GALNT18: variants seen among roughly 807,000 people sequenced by gnomAD.
The protein encoded by GALNT18 is polypeptide N-acetylgalactosaminyltransferase 18.
GALNT18 carries 44 observed loss-of-function variants against 69.5 expected under a neutral mutation model. The ratio of observed to expected loss-of-function variants is 0.63; its 90% confidence interval spans 0.50 to 0.81. The LOEUF (loss-of-function observed/expected upper bound fraction) is 0.81. GALNT18 is among the 40% of genes least tolerant of loss of function. The pLI is 0.00. For synonymous variants in GALNT18, 364 were observed against 318.2 expected (o/e 1.14, Z -1.53); for missense variants, 715 against 810.0 (o/e 0.88, Z 1.42).
Position 11,454,908 on chromosome 11 carries a change from G to A in GALNT18, c.236-5972C>T, listed in dbSNP as rs1246079582. Among the ~76,000 whole-genome samples, 2 of 152,184 alleles carry A rather than the reference G, an allele frequency of 1.3e-5. No homozygotes were observed. The highest frequency in any genetic ancestry group is 2.9e-5 in the Non-Finnish European group (2 of 68,036). On this transcript the variant is annotated intron_variant, in intron 1 of 10. Coordinates refer to ENST00000227756, the MANE Select transcript of GALNT18 (RefSeq NM_198516.3). The surrounding 1 kb of genome is among the most constrained non-coding windows in gnomAD (Gnocchi z 4.2). ...AATCACTCCACCCTTGAAGAGAAAG[G>A]TACAGTTGATGGGTCTGTGCAAAGC...
In GALNT18 at chr11:11,421,622, AGAGAAG is replaced by A. The variant is rs1167574962; in HGVS notation, c.595+10993_595+10998del. Among the ~76,000 whole-genome samples, 3 of 152,156 alleles carry A rather than the reference AGAGAAG, an allele frequency of 2.0e-5. No individual in the cohort carries two copies. In the East Asian group the frequency reaches 5.8e-4, roughly 29 times the overall value. Reference sequence around the variant, plus strand: ...GGCAGGCCAAACGCAGGACCAATGCAGAGAAGGTTGGGGAAAGCTGGGGTTGCTGGC... The same window carrying A: ...GGCAGGCCAAACGCAGGACCAATGCAGTTGGGGAAAGCTGGGGTTGCTGGC... On this transcript the variant is annotated intron_variant, in intron 3 of 10. Coordinates refer to ENST00000227756, the MANE Select transcript of GALNT18 (RefSeq NM_198516.3). This position sits in a 1 kb window ranked among gnomAD's most constrained non-coding sequence, Gnocchi z 5.6.
intron 3 of GALNT18, among the ~76,000 whole-genome samples, chr11:11,423,426 C>T (rs141246309): frequency 6.6e-5 from 10 of 152,334 alleles, no homozygotes; most frequent in Non-Finnish European, 7.3e-5. Context: ...AAGCTGCCTC[C>T]CTCTCACAAG....
At chr11:11,467,740 G>A (rs1320089294) in intron 1 of GALNT18, among the ~76,000 whole-genome samples, 1 of 152,232 alleles carries the variant, frequency 6.6e-6, no homozygotes, top group Non-Finnish European at 1.5e-5. Flanking sequence ...CCCTGGTTGA[G>A]TCAAAATCTC....
At chr11:11,419,806 C>A (rs1326907846) in intron 3 of GALNT18, among the ~76,000 whole-genome samples, 2 of 152,036 alleles carry the variant, frequency 1.3e-5, no homozygotes, top group African/African-American at 4.8e-5. Flanking sequence ...ATGCCATAAG[C>A]TCTTGGGACA....
intron 8 of GALNT18, among the ~76,000 whole-genome samples, chr11:11,328,137 T>C (rs1019600582): frequency 2.0e-5 from 3 of 152,132 alleles, no homozygotes. Context: ...ATCAAGGATA[T>C]GATGATGCAC....
chr11:11,452,502 G>A (rs910162019), intron 1 of GALNT18, among the ~76,000 whole-genome samples: 9 of 152,260 alleles, frequency 5.9e-5, no homozygotes. Context: ...ACCTTGCCAA[G>A]GTCCCCAGCT....
chr11:11,466,880 C>T (rs2133847640), intron 1 of GALNT18, among the ~76,000 whole-genome samples: 1 of 152,222 alleles, frequency 6.6e-6, no homozygotes, highest in South Asian at 2.1e-4. Flanking sequence ...TTCCAAAAGG[C>T]CTGGCAATAG....
rs1001980784 is a variant in GALNT18 at position 11,314,174 on chromosome 11, C to T, written c.1512+12912G>A. On this transcript the variant is annotated intron_variant, in intron 9 of 10. Coordinates refer to ENST00000227756, the MANE Select transcript of GALNT18 (RefSeq NM_198516.3). This position sits in a 1 kb window ranked among gnomAD's most constrained non-coding sequence, Gnocchi z 5.2. ...CTGGGAAGCAAGACTGTCCAAAGAA[C>T]GGTGGGTGGAGGGCAAGAGACTCAG... Among the ~76,000 whole-genome samples, 7 of 152,036 alleles carry T rather than the reference C, an allele frequency of 4.6e-5. No individual in the cohort carries two copies. The highest frequency in any genetic ancestry group is 2.1e-4 in the South Asian group (1 of 4,822).
chr11:11,611,320 T>G (rs531695273), intron 1 of GALNT18, among the ~76,000 whole-genome samples: 1 of 152,188 alleles, frequency 6.6e-6, no homozygotes, highest in South Asian at 2.1e-4. Context: ...GCTCAGACAG[T>G]TGAAAACCAG....
intron 3 of GALNT18, among the ~76,000 whole-genome samples, chr11:11,397,896 A>G (rs1854372174): frequency 6.6e-6 from 1 of 152,254 alleles, no homozygotes; most frequent in Admixed American, 6.5e-5. Context: ...GCTGGGGCCA[A>G]TGGCATACTG....
rs1859105547 is a variant in GALNT18 at position 11,582,293 on chromosome 11, A to T, written c.235+39066T>A. Reference sequence around the variant, plus strand: ...TCAGAGAGTGGAGGGAGAAAAGGGCAGGGAGCTGGGCATGGCCAGGAGGCA... The same window carrying T: ...TCAGAGAGTGGAGGGAGAAAAGGGCTGGGAGCTGGGCATGGCCAGGAGGCA... On this transcript the variant is annotated intron_variant, in intron 1 of 10. Coordinates refer to ENST00000227756, the MANE Select transcript of GALNT18 (RefSeq NM_198516.3). The surrounding 1 kb of genome is among the most constrained non-coding windows in gnomAD (Gnocchi z 5.0). Among the ~76,000 whole-genome samples, 1 of 152,208 alleles carries T rather than the reference A, an allele frequency of 6.6e-6. No individual in the cohort carries two copies. The highest frequency in any genetic ancestry group is 1.5e-5 in the Non-Finnish European group (1 of 68,034).
intron 10 of GALNT18, among the ~76,000 whole-genome samples, chr11:11,279,156 ACT>A (rs1046430531): frequency 1.3e-5 from 2 of 151,438 alleles, no homozygotes; most frequent in African/African-American, 4.9e-5. Flanking sequence ...TCCTCTCACC[ACT>A]CTCTCTCCTC....
intron 1 of GALNT18, among the ~76,000 whole-genome samples, chr11:11,479,006 T>C (rs77992018): frequency 0.033 from 5,077 of 152,300 alleles, 188 homozygotes; most frequent in African/African-American, 0.098. Context: ...TTCCACCTTC[T>C]GCCAATGGCC....
chr11:11,616,483 G>A lies in GALNT18; in HGVS notation c.235+4876C>T, dbSNP rs1283815210. Among the ~76,000 whole-genome samples, 2 of 152,176 alleles carry A rather than the reference G, an allele frequency of 1.3e-5. No individual in the cohort carries two copies. Among genetic ancestry groups the A allele is most frequent in the African/African-American group, 2.4e-5 (1 of 41,430 alleles). On this transcript the variant is annotated intron_variant, in intron 1 of 10. Transcript: ENST00000227756. This position sits in a 1 kb window ranked among gnomAD's most constrained non-coding sequence, Gnocchi z 4.4. ...TTAAACATAATTCAAAAAACAGTGA[G>A]GTGAAGATGTTCATTTCTGCTCTAA...
At chr11:11,585,942 C>T (rs1859212470) in intron 1 of GALNT18, among the ~76,000 whole-genome samples, 1 of 151,422 alleles carries the variant, frequency 6.6e-6, no homozygotes, top group African/African-American at 2.4e-5. Flanking sequence ...GTGATTTGGT[C>T]ATGAGGGTAG....
chr11:11,503,457 C>A (rs1028836453), intron 1 of GALNT18, among the ~76,000 whole-genome samples: 3 of 152,158 alleles, frequency 2.0e-5, no homozygotes, highest in Non-Finnish European at 2.9e-5. Context: ...CTGCAATTTC[C>A]AGTTTTACCT....
chr11:11,409,083 T>TACC lies in GALNT18; in HGVS notation c.595+23535_595+23537dup, dbSNP rs61181238. Among the ~76,000 whole-genome samples, 7 of 152,308 alleles carry TACC rather than the reference T, an allele frequency of 4.6e-5. No individual in the cohort carries two copies. In the East Asian group the frequency reaches 1.4e-3, roughly 29 times the overall value. On this transcript the variant is annotated intron_variant, in intron 3 of 10. Transcript: ENST00000227756. ...TGTCTTTAATTAAAAACAGCCCTGG[T>TACC]ACCACAGGCTAGAGGTGAAACCAGC... is the stretch of plus-strand genomic sequence containing the variant.
In GALNT18 at chr11:11,381,585, C is replaced by T. The variant is rs1042676427; in HGVS notation, c.596-2321G>A. Reference sequence around the variant, plus strand: ...CTCACACACTGAGTCTGGGCTGGACCGTGACACAGCAGGACACAGCAAGAG... The same window carrying T: ...CTCACACACTGAGTCTGGGCTGGACTGTGACACAGCAGGACACAGCAAGAG... On this transcript the variant is annotated intron_variant, in intron 3 of 10. Transcript: ENST00000227756. Among the ~76,000 whole-genome samples the T allele has an allele frequency of 1.3e-4, 20 of 152,270 alleles. 1 individual carries two copies. Among genetic ancestry groups the T allele is most frequent in the Admixed American group, 9.8e-4 (15 of 15,300 alleles).
chr11:11,279,978 A>AG (rs1362232773), intron 10 of GALNT18, among the ~76,000 whole-genome samples: 1 of 152,160 alleles, frequency 6.6e-6, no homozygotes, highest in Non-Finnish European at 1.5e-5. Flanking sequence ...ACTGAGAAGC[A>AG]GGGGGTGCGG....
Sources: allele counts gnomAD v4.1 joint callset (sites outside exome capture counted in the v4.1 genomes callset), GRCh38; gene constraint gnomAD v4.1.1; non-coding constraint Gnocchi (gnomAD v3.1); transcripts MANE v1.5; gene names NCBI Gene and HGNC (gene_info 2026-07-23, HGNC 2026-07-21).